The following CDC42BPB variants were observed in gnomAD, a reference collection of about 807,000 sequenced individuals.
CDC42BPB encodes the protein serine/threonine-protein kinase MRCK beta.
In CDC42BPB, 37 loss-of-function variants were observed where a neutral mutation model predicts 214.9. The observed-to-expected ratio is 0.17, with a 90% CI of 0.13 to 0.23. The LOEUF (loss-of-function observed/expected upper bound fraction) is 0.23. Ranked by LOEUF, CDC42BPB falls within the 10% of genes least tolerant of loss-of-function variation. The pLI is 1.00. For synonymous variants in CDC42BPB, 931 were observed against 884.0 expected (o/e 1.05, Z -0.94); for missense variants, 1,694 against 2,227.0 (o/e 0.76, Z 4.82).
rs1192779388 is a variant in CDC42BPB at position 102,971,996 on chromosome 14, C to T, written c.1807G>A (p.Glu603Lys). 1.9e-6 allele frequency: 3 copies of T among 1,614,284 alleles called. No individual in the cohort carries two copies. Among genetic ancestry groups the T allele is most frequent in the Non-Finnish European group, 2.5e-6 (3 of 1,180,058 alleles). ...TTCTGCGTGGCCACCTCCATCTCCT[C>T]CTCCTTGTCTCGCAGCTGCCGGGAC... ...KVSRQLRDKE[E>K]EMEVATQKVD... The change falls in exon 13 of 37, where the codon GAG (glutamate) becomes AAG (lysine). Residue 603 changes from glutamate (E) to lysine (K), a missense_variant. Glu to Lys is a moderately conservative substitution (Grantham distance 56, BLOSUM62 1). This residue lies in a region of CDC42BPB where 462 missense variants were observed against 513.5 expected (regional missense o/e 0.90). Transcript: ENST00000361246.
chr14:102,965,186 C>T (rs1893143652), intron 18 of CDC42BPB, among the ~76,000 whole-genome samples: 1 of 152,048 alleles, frequency 6.6e-6, no homozygotes, highest in Admixed American at 6.5e-5. Flanking sequence ...CCCCCCTTGG[C>T]CTCCCAAAGT....
At chr14:103,022,551 T>C (rs1380936920) in intron 1 of CDC42BPB, among the ~76,000 whole-genome samples, 1 of 152,096 alleles carries the variant, frequency 6.6e-6, no homozygotes, top group South Asian at 2.1e-4. Context: ...ACCAAAGTGT[T>C]TTGTTTAAAA....
At chr14:102,980,547 G>C (rs1186808274) in intron 8 of CDC42BPB, among the ~76,000 whole-genome samples, 1 of 152,014 alleles carries the variant, frequency 6.6e-6, no homozygotes, top group Non-Finnish European at 1.5e-5. Flanking sequence ...CTGTTGAGTT[G>C]CAAAACAAAT....
chr14:102,950,555 C>T lies in CDC42BPB; in HGVS notation c.3220G>A (p.Val1074Met), dbSNP rs776110379. Residue 1074 changes from valine (V) to methionine (M), a missense_variant, in exon 25 of 37, where the codon GTG becomes ATG. By Grantham distance (21) the Val-to-Met change is conservative. Around this residue, in one of 7 missense-constraint regions of CDC42BPB, gnomAD observed 567 missense variants for 790.3 expected, o/e 0.72. Transcript: ENST00000361246. Reference protein sequence around the residue: ...HVSCKDGAPQVCPIPPEQSKR... With the variant: ...HVSCKDGAPQMCPIPPEQSKR... Reference sequence around the variant, plus strand: ...GACTGCTCGGGAGGTATTGGGCACACCTGGGGGGCACCGTCTTTGCAGGAC... The same window carrying T: ...GACTGCTCGGGAGGTATTGGGCACATCTGGGGGGCACCGTCTTTGCAGGAC... 1 of 1,609,198 alleles carries T rather than the reference C, an allele frequency of 6.2e-7. No individual in the cohort carries two copies.
intron 34 of CDC42BPB, 109 bp downstream of exon 34, chr14:102,939,501 C>T (rs1055162702): frequency 1.0e-5 from 8 of 784,018 alleles, no homozygotes; most frequent in East Asian, 2.4e-5. Context: ...CAGAGCACAG[C>T]GCCAGCCTCG....
rs757029829 is a variant in CDC42BPB at position 102,938,312 on chromosome 14, A to C, written c.4927T>G (p.Ser1643Ala). The C allele has an allele frequency of 3.1e-6, 5 of 1,608,152 alleles. No individual in the cohort carries two copies. In the Admixed American group the frequency reaches 8.4e-5, roughly 27 times the overall value. ...SRNKPYISWP[S>A]SGGSEPSVTV... ...GGCCAGGCTTCCCCTGTACCTGATG[A>C]GGGCCACGAGATGTAGGGCTTGTTC... The change falls in exon 35 of 37, where the codon TCA (serine) becomes GCA (alanine). Residue 1643 changes from serine (S) to alanine (A), a missense_variant. Ser to Ala is a moderately conservative substitution (Grantham distance 99). Around this residue, in one of 7 missense-constraint regions of CDC42BPB, gnomAD observed 146 missense variants for 134.1 expected, o/e 1.09. Coordinates refer to ENST00000361246, the MANE Select transcript of CDC42BPB (RefSeq NM_006035.4).
intron 4 of CDC42BPB, among the ~76,000 whole-genome samples, chr14:103,000,352 C>T (rs1411223052): frequency 2.0e-5 from 3 of 152,354 alleles, no homozygotes; most frequent in Admixed American, 6.5e-5. Flanking sequence ...TGGGCGACCC[C>T]GAGGTGAGCC....
chr14:102,952,356 A>C, intron 24 of CDC42BPB, 142 bp downstream of exon 24: 1 of 603,612 alleles, frequency 1.7e-6, no homozygotes, highest in South Asian at 2.0e-5. Flanking sequence ...CCTAAAAAAA[A>C]CCCTGTCCTC....
At chr14:102,951,172 C>T (rs888655914) in intron 24 of CDC42BPB, among the ~76,000 whole-genome samples, 2 of 152,212 alleles carry the variant, frequency 1.3e-5, no homozygotes, top group African/African-American at 2.4e-5. Context: ...CCCGGGCCGC[C>T]TCCCACACGT....
Position 102,954,686 on chromosome 14 carries a change from G to T in CDC42BPB, c.2904C>A (p.Thr968=). The T allele has an allele frequency of 6.2e-7, 1 of 1,612,656 alleles. No homozygotes were observed. Among genetic ancestry groups the T allele is most frequent in the South Asian group, 1.1e-5 (1 of 90,950 alleles). ...GTGTTTCTTGCTCACTAGCTGAGCT[G>T]GTCTGTGAGAACCAAGAAAGAAAGA... is the stretch of plus-strand genomic sequence containing the variant. The part of the protein sequence containing the change: ...APLAHDLTFR[T]SSASEQETQA... The change falls in exon 22 of 37, where the codon ACC becomes ACA. Residue 968 remains threonine (T), a splice_region_variant and synonymous_variant. Transcript: ENST00000361246.
intron 5 of CDC42BPB, among the ~76,000 whole-genome samples, chr14:102,995,034 C>T (rs986283748): frequency 2.0e-5 from 3 of 152,198 alleles, no homozygotes; most frequent in African/African-American, 4.8e-5. Flanking sequence ...GCCTCTTCTA[C>T]TCAACTTTCT....
intron 3 of CDC42BPB, among the ~76,000 whole-genome samples, chr14:103,007,390 G>A (rs533640325): frequency 2.5e-4 from 38 of 152,276 alleles, no homozygotes; most frequent in African/African-American, 4.1e-4. Context: ...GATCTGGCCC[G>A]AATCGATGGT....
chr14:102,961,118 G>A lies in CDC42BPB; in HGVS notation c.2822-1408C>T, dbSNP rs550381954. ...GAAAGTTGAGGCTGCAGTGAACCCT[G>A]ATCGTGCTACTGCACTCCAGCCTGG... On this transcript the variant is annotated intron_variant, in intron 20 of 36. Coordinates refer to ENST00000361246, the MANE Select transcript of CDC42BPB (RefSeq NM_006035.4). 2.4e-4 allele frequency among the ~76,000 whole-genome samples: 37 copies of A among 152,246 alleles called. No homozygotes were observed. In the South Asian group the frequency reaches 7.5e-3, roughly 31 times the overall value.
chr14:102,938,262 C>T (rs932083210), intron 35 of CDC42BPB, 44 bp downstream of exon 35: 2 of 1,598,476 alleles, frequency 1.3e-6, no homozygotes, highest in South Asian at 2.3e-5. Context: ...CACCCCCTAC[C>T]CCCCACCTCC....
rs746544702 is a variant in CDC42BPB at position 103,012,154 on chromosome 14, C to T, written c.210G>A (p.Gln70=). ...KPFTQLVKEM[Q]LHREDFEIIK... is the part of the protein sequence containing the mutation. ...TTATTTCAAAGTCTTCTCGATGAAG[C>T]TGCATTTCTTTCACCAGCTGTGTAA... The change falls in exon 2 of 37, where the codon CAG becomes CAA. Residue 70 remains glutamine (Q), a synonymous_variant. Transcript: ENST00000361246. The T allele has an allele frequency of 6.2e-7, 1 of 1,613,726 alleles. No individual in the cohort carries two copies. The highest frequency in any genetic ancestry group is 8.5e-7 in the Non-Finnish European group (1 of 1,179,772).
At chr14:102,965,658 G>C (rs1435730013) in intron 18 of CDC42BPB, among the ~76,000 whole-genome samples, 2 of 152,152 alleles carry the variant, frequency 1.3e-5, no homozygotes. Context: ...GTAAAGAGAA[G>C]AAAATGGACA....
Position 102,945,765 on chromosome 14 carries a change from G to T in CDC42BPB, c.3749-41C>A, listed in dbSNP as rs376950511. ...TAACATACACAAAGTCAGTACAGCC[G>T]ACCGTGAACAATATGGGTTTGAATG... is the stretch of plus-strand genomic sequence containing the variant. On this transcript the variant is annotated intron_variant, in intron 28 of 36. Transcript: ENST00000361246. 8.9e-6 allele frequency: 14 copies of T among 1,578,912 alleles called. No individual in the cohort carries two copies. The African/African-American group carries it at 1.5e-4, about 17-fold the overall frequency.
At position 102,940,084 on chromosome 14, in the gene CDC42BPB, T is replaced by C. The variant is rs903757678; in HGVS notation, c.4553A>G (p.Glu1518Gly). 6.2e-7 allele frequency: 1 copy of C among 1,613,970 alleles called. No individual in the cohort carries two copies. The change falls in exon 32 of 37, where the codon GAG (glutamate) becomes GGG (glycine). Residue 1518 changes from glutamate to glycine, a missense_variant. By Grantham distance (98) the Glu-to-Gly change is moderately conservative. Coordinates refer to ENST00000361246, the MANE Select transcript of CDC42BPB (RefSeq NM_006035.4). ...CTTGAAGTAGATCAAGCGTGGAGGC[T>C]CGCAGTTGAGGAGGTTGAGGGTGCC... ...SEGTLNLLNCEPPRLIYFKSK... is the reference protein window; with the variant it reads ...SEGTLNLLNCGPPRLIYFKSK...
chr14:102,940,055 T>C lies in CDC42BPB; in HGVS notation c.4582A>G (p.Lys1528Glu). ...GCAGAGGAAGGCTCACCCGAGAACTTGCTCTTGAAGTAGATCAAGCGTGGA... is the reference window on the plus strand; with the variant it reads ...GCAGAGGAAGGCTCACCCGAGAACTCGCTCTTGAAGTAGATCAAGCGTGGA... ...EPPRLIYFKS[K>E]FSGAVLNVPD... Residue 1528 changes from lysine to glutamate, a missense_variant, in exon 32 of 37, where the codon AAG becomes GAG. By Grantham distance (56) the Lys-to-Glu change is moderately conservative. Transcript: ENST00000361246. The C allele has an allele frequency of 6.2e-7, 1 of 1,613,848 alleles. No homozygotes were observed. Among genetic ancestry groups the C allele is most frequent in the Non-Finnish European group, 8.5e-7 (1 of 1,180,000 alleles).
Sources: allele counts gnomAD v4.1 joint callset (sites outside exome capture counted in the v4.1 genomes callset), GRCh38; gene constraint gnomAD v4.1.1; regional missense constraint gnomAD v4.1.1; transcripts MANE v1.5; gene names NCBI Gene and HGNC (gene_info 2026-07-23, HGNC 2026-07-21).